TLK1: variants seen among roughly 807,000 people sequenced by gnomAD.
The protein encoded by TLK1 is tousled like kinase 1.
In TLK1, 24 loss-of-function variants were observed where a neutral mutation model predicts 105.3. The observed-to-expected ratio is 0.23, with a 90% CI of 0.17 to 0.32. The LOEUF (loss-of-function observed/expected upper bound fraction) is 0.32. Ranked by LOEUF, TLK1 falls within the 10% of genes least tolerant of loss-of-function variation. The pLI is 1.00. For missense variants in TLK1, 558 were observed against 910.5 expected (o/e 0.61, Z 4.98); for synonymous variants, 321 against 310.4 (o/e 1.03, Z -0.36).
At chr2:171,066,594 T>C (rs1177916466) in intron 3 of TLK1, among the ~76,000 whole-genome samples, 1 of 152,226 alleles carries the variant, frequency 6.6e-6, no homozygotes, top group East Asian at 1.9e-4. Flanking sequence ...ACTACCTAAC[T>C]TGACATCCTC....
At chr2:171,113,363 T>C (rs918382669) in intron 2 of TLK1, among the ~76,000 whole-genome samples, 6 of 151,622 alleles carry the variant, frequency 4.0e-5, no homozygotes, top group African/African-American at 1.5e-4. Flanking sequence ...CTCCATCTCC[T>C]GGGTTCAAGC....
At chr2:171,131,479 A>G (rs1287408714) in intron 1 of TLK1, among the ~76,000 whole-genome samples, 1 of 152,226 alleles carries the variant, frequency 6.6e-6, no homozygotes, top group Non-Finnish European at 1.5e-5. Context: ...CTATAGTCAT[A>G]TGCCTGGTTG....
chr2:171,154,412 T>C (rs747377089), intron 1 of TLK1: 7 of 151,162 alleles, frequency 4.6e-5, no homozygotes, highest in African/African-American at 7.3e-5. Context: ...TAAAGTATAA[T>C]GGAAAAAAAA....
intron 1 of TLK1, among the ~76,000 whole-genome samples, chr2:171,193,945 C>T (rs1693211871): frequency 6.6e-6 from 1 of 151,610 alleles, no homozygotes; most frequent in Admixed American, 6.6e-5. Flanking sequence ...ATCTCAAACT[C>T]CTGACCTCAG....
At chr2:171,010,637 AAAAG>A (rs1219980610) in intron 14 of TLK1, among the ~76,000 whole-genome samples, 4 of 152,036 alleles carry the variant, frequency 2.6e-5, no homozygotes, top group East Asian at 1.9e-4. Context: ...AAAAAAAAAA[AAAAG>A]AAAGGCATAA....
upstream of TLK1, among the ~76,000 whole-genome samples, chr2:171,163,843 A>C (rs1158418501): frequency 6.6e-6 from 1 of 151,984 alleles, no homozygotes; most frequent in Non-Finnish European, 1.5e-5. Context: ...CTCATGCCTC[A>C]GCCTCCTGAG....
chr2:171,199,314 C>A (rs375689265), intron 1 of TLK1, among the ~76,000 whole-genome samples: 5 of 152,198 alleles, frequency 3.3e-5, no homozygotes, highest in African/African-American at 1.2e-4. Flanking sequence ...AATTACAGAC[C>A]AGCCTGGGAA....
intron 1 of TLK1, among the ~76,000 whole-genome samples, chr2:171,129,510 T>C (rs1691008817): frequency 1.3e-5 from 2 of 152,096 alleles, no homozygotes; most frequent in South Asian, 4.1e-4. Flanking sequence ...TTGAATACGA[T>C]CTACCTATTA....
intron 3 of TLK1, among the ~76,000 whole-genome samples, chr2:171,061,468 G>A (rs180744382): frequency 4.7e-4 from 72 of 152,220 alleles, no homozygotes; most frequent in African/African-American, 1.7e-3. Context: ...AACTGGATGA[G>A]GGGGAAAAAA....
At chr2:171,055,053 A>G in intron 7 of TLK1, 30 bp downstream of exon 7, 1 of 1,317,004 alleles carries the variant, frequency 7.6e-7, no homozygotes, top group Non-Finnish European at 1.0e-6. Flanking sequence ...CTTAGAAGCC[A>G]TAGAAAAAAA....
intron 1 of TLK1, among the ~76,000 whole-genome samples, chr2:171,145,460 G>C (rs1691754764): frequency 6.6e-6 from 1 of 151,322 alleles, no homozygotes; most frequent in Non-Finnish European, 1.5e-5. Context: ...CATGGTGGCG[G>C]GCACCTGTAA....
chr2:171,226,828 C>T (rs533097153), intron 1 of TLK1, among the ~76,000 whole-genome samples: 2 of 146,538 alleles, frequency 1.4e-5, no homozygotes, highest in African/African-American at 5.5e-5. Flanking sequence ...AATGAAACTA[C>T]TCTTATGTAA....
intron 11 of TLK1, among the ~76,000 whole-genome samples, chr2:171,030,741 AAATTT>A (rs1394863708): frequency 5.3e-5 from 8 of 152,168 alleles, no homozygotes; most frequent in Non-Finnish European, 1.0e-4. Context: ...AAAGATATTT[AAATTT>A]GTTTTCTTTC....
intron 2 of TLK1, among the ~76,000 whole-genome samples, chr2:171,084,299 T>C (rs6732229): frequency 0.4 from 60,063 of 151,946 alleles, 13,375 homozygotes; most frequent in African/African-American, 0.59. Context: ...ACGGTTACAT[T>C]TAAAAAGTGA....
intron 2 of TLK1, among the ~76,000 whole-genome samples, chr2:171,086,660 AAAG>A (rs1161447396): frequency 6.6e-6 from 1 of 152,028 alleles, no homozygotes; most frequent in Non-Finnish European, 1.5e-5. Flanking sequence ...ACAGAAAAAA[AAAG>A]AAGAGGAGAA....
At chr2:171,065,357 GAC>G (rs1283458680) in intron 3 of TLK1, among the ~76,000 whole-genome samples, 2 of 152,082 alleles carry the variant, frequency 1.3e-5, no homozygotes, top group Non-Finnish European at 2.9e-5. Context: ...ATAGTTAATA[GAC>G]ACAGAATATT....
upstream of TLK1, among the ~76,000 whole-genome samples, chr2:171,164,351 G>GA (rs1160310094): frequency 6.6e-6 from 1 of 152,126 alleles, no homozygotes; most frequent in South Asian, 2.1e-4. Context: ...TATAGTAAGT[G>GA]AAAAAATGGA....
intron 1 of TLK1, among the ~76,000 whole-genome samples, chr2:171,145,573 G>A (rs549187738): frequency 1.3e-5 from 2 of 150,886 alleles, no homozygotes; most frequent in East Asian, 3.9e-4. Flanking sequence ...CTGGGCAACA[G>A]GGTGAGACTC....
intron 1 of TLK1, among the ~76,000 whole-genome samples, chr2:171,128,518 TAAG>T (rs1222591284): frequency 6.6e-6 from 1 of 152,190 alleles, no homozygotes; most frequent in Non-Finnish European, 1.5e-5. Context: ...TGCTAAAATA[TAAG>T]TGCTCAATAA....
Sources: gnomAD v4.1 joint callset for allele counts (sites outside exome capture counted in the v4.1 genomes callset) on GRCh38, gnomAD v4.1.1 for gene constraint, MANE v1.5 for transcripts, NCBI Gene and HGNC (gene_info 2026-07-23, HGNC 2026-07-21) for gene names.